COL10A1: variants seen among roughly 807,000 people sequenced by gnomAD.
COL10A1 encodes the protein collagen type X alpha 1 chain, also known as collagen alpha-1(X) chain.
COL10A1 carries 10 observed loss-of-function variants against 18.2 expected under a neutral mutation model. The observed-to-expected ratio is 0.55, with a 90% CI of 0.34 to 0.93. The LOEUF (loss-of-function observed/expected upper bound fraction) is 0.93, where lower values mean the gene tolerates loss of function less well. Among genes scored for constraint, COL10A1 ranks in the 40% least tolerant of loss-of-function variants. The pLI is 0.02. For synonymous variants in COL10A1, 330 were observed against 316.6 expected, an observed-to-expected ratio of 1.04 and a Z score of -0.45; for missense variants, 897 against 853.5, an observed-to-expected ratio of 1.05 and a Z score of -0.64.
Position 116,121,830 on chromosome 6 carries a change from A to G in COL10A1, c.286T>C (p.Leu96=), listed in dbSNP as rs768556259. The G allele has an allele frequency of 3.7e-6, 6 of 1,612,650 alleles. No individual in the cohort carries two copies. The Admixed American group carries it at 8.3e-5, about 22-fold the overall frequency. ...GSPGLQGEPG[L]PGPPGPSAVG... ...GCTGATGGTCCCGGTGGTCCTGGCA[A>G]CCCTGGCTCTCCTTGGAGTCCAGGA... Residue 96 remains leucine (L), a synonymous_variant, in exon 3 of 3, where the codon TTG becomes CTG. Coordinates refer to ENST00000651968, the MANE Select transcript of COL10A1 (RefSeq NM_000493.4).
upstream of COL10A1, among the ~76,000 whole-genome samples, chr6:116,129,782 T>G (rs146109384): frequency 2.2e-3 from 336 of 152,318 alleles, 1 homozygote; most frequent in African/African-American, 7.6e-3. Flanking sequence ...CCCTTGCAGT[T>G]TATTTGTTGA....
rs550879823 is a variant in COL10A1, at chr6:116,136,476, T to A, written c.-15-10969A>T. Among the ~76,000 whole-genome samples the A allele has an allele frequency of 4.9e-3, 738 of 151,998 alleles. 11 individuals are homozygous for A. Among genetic ancestry groups the A allele is most frequent in the South Asian group, 0.043 (206 of 4,794 alleles). On this transcript the variant is annotated intron_variant, in intron 1 of 1. Coordinates refer to the COL10A1 transcript ENST00000418500. ...TTTTTAAGTTTTGTGGGGTTTTTTT[T>A]AAAAGAAGAAAATGAAGCTTATTAA...
chr6:116,185,885 A>G, the COL10A1 span, among the ~76,000 whole-genome samples: 1 of 152,016 alleles, frequency 6.6e-6, no homozygotes, highest in Non-Finnish European at 1.5e-5. Flanking sequence ...ATTGAGATGT[A>G]GCATACTATT....
At chr6:116,212,328 A>C in the COL10A1 span, among the ~76,000 whole-genome samples, 1 of 152,118 alleles carries the variant, frequency 6.6e-6, no homozygotes, top group East Asian at 1.9e-4. Context: ...TGCCTCATTA[A>C]AATAGCTGCT....
In COL10A1 at chr6:116,120,452, G is replaced by A. The variant is rs1779079658; in HGVS notation, c.1664C>T (p.Thr555Ile). 2 of 1,614,260 alleles carry A rather than the reference G, an allele frequency of 1.2e-6. No individual in the cohort carries two copies. Among genetic ancestry groups the A allele is most frequent in the Non-Finnish European group, 8.5e-7 (1 of 1,180,042 alleles). Reference sequence around the variant, plus strand: ...TGGGTAAGCTTTGGAGAGAATAACAGTAAAAGCAGACACAGGCATTCCTGT... The same window carrying A: ...TGGGTAAGCTTTGGAGAGAATAACAATAAAAGCAGACACAGGCATTCCTGT... ...GVTGMPVSAF[T>I]VILSKAYPAI... Residue 555 changes from threonine (T) to isoleucine (I), a missense_variant, in exon 3 of 3, where the codon ACT becomes ATT. Thr to Ile is a moderately conservative substitution (Grantham distance 89). Transcript: ENST00000651968.
chr6:116,139,144 A>G (rs1321212397), intron 1 of COL10A1, among the ~76,000 whole-genome samples: 2 of 152,182 alleles, frequency 1.3e-5, no homozygotes, highest in Non-Finnish European at 2.9e-5. Context: ...TTATTTGGCA[A>G]AAATTCTAGT....
At chr6:116,122,369 C>T (rs1779156804) in intron 2 of COL10A1, among the ~76,000 whole-genome samples, 3 of 152,134 alleles carry the variant, frequency 2.0e-5, no homozygotes, top group Admixed American at 2.0e-4. Flanking sequence ...CCAAAGCTAC[C>T]CTGTCAGACA....
At chr6:116,127,338 G>A (rs926155321), upstream of COL10A1, among the ~76,000 whole-genome samples, 1 of 152,028 alleles carries the variant, frequency 6.6e-6, no homozygotes, top group Non-Finnish European at 1.5e-5. Context: ...AATGGATAAG[G>A]CATCTCATTG....
the COL10A1 span, among the ~76,000 whole-genome samples, chr6:116,174,918 A>G: frequency 1.4e-4 from 22 of 152,294 alleles, no homozygotes; most frequent in Non-Finnish European, 2.5e-4. Flanking sequence ...AGATACATCT[A>G]AAAAGTCATG....
At chr6:116,128,316 T>A (rs1355555013), upstream of COL10A1, among the ~76,000 whole-genome samples, 7 of 152,156 alleles carry the variant, frequency 4.6e-5, no homozygotes, top group East Asian at 1.3e-3. Flanking sequence ...AAACAGATTG[T>A]AGAATCAGAA....
intron 1 of COL10A1, among the ~76,000 whole-genome samples, chr6:116,140,964 A>G (rs1372098694): frequency 3.3e-5 from 5 of 152,180 alleles, no homozygotes; most frequent in African/African-American, 9.7e-5. Flanking sequence ...GAATCTTTCT[A>G]GGAAGTATAC....
the COL10A1 span, among the ~76,000 whole-genome samples, chr6:116,166,318 A>G: frequency 6.6e-6 from 1 of 152,146 alleles, no homozygotes; most frequent in Non-Finnish European, 1.5e-5. Context: ...CTGACATCCA[A>G]AATCCCTAGT....
the COL10A1 span, among the ~76,000 whole-genome samples, chr6:116,195,931 C>G: frequency 6.6e-6 from 1 of 151,972 alleles, no homozygotes; most frequent in African/African-American, 2.4e-5. Flanking sequence ...GAGAGAGATT[C>G]CTGCCTCTAA....
At chr6:116,202,197 A>G in the COL10A1 span, among the ~76,000 whole-genome samples, 160 of 152,140 alleles carry the variant, frequency 1.1e-3, no homozygotes, top group African/African-American at 3.7e-3. Context: ...CATGTGATGC[A>G]GGCTCCCCTA....
chr6:116,170,838 C>G, the COL10A1 span, among the ~76,000 whole-genome samples: 1 of 152,148 alleles, frequency 6.6e-6, no homozygotes, highest in Non-Finnish European at 1.5e-5. Context: ...TCCCACCTGC[C>G]GTGTAGCCTA....
upstream of COL10A1, among the ~76,000 whole-genome samples, chr6:116,160,388 A>G (rs1780298850): frequency 6.6e-6 from 1 of 151,880 alleles, no homozygotes. Context: ...CATTTTCCAT[A>G]TGTTTGTTGG....
rs557785783 is a variant in COL10A1, at chr6:116,119,390, T to C, written c.*683A>G. 6.6e-6 allele frequency: 1 copy of C among 152,590 alleles called. No individual in the cohort carries two copies. The highest frequency in any genetic ancestry group is 2.4e-5 in the African/African-American group (1 of 41,598). The allele number at this position is 152,590 out of a possible 1,614,324, so 9.5% of individuals were successfully genotyped here. On this transcript the variant is annotated 3_prime_UTR_variant, in exon 3 of 3. Transcript: ENST00000651968. Reference sequence around the variant, plus strand: ...TATATAAAAAGCTTCTCTGCAATCATAGAAAAGTTTGAAAAGGTTCATTGA... The same window carrying C: ...TATATAAAAAGCTTCTCTGCAATCACAGAAAAGTTTGAAAAGGTTCATTGA...
chr6:116,216,099 T>C, the COL10A1 span, among the ~76,000 whole-genome samples: 1 of 152,108 alleles, frequency 6.6e-6, no homozygotes, highest in African/African-American at 2.4e-5. Flanking sequence ...CCATGCTTAA[T>C]TGGTATAGTG....
At chr6:116,201,714 G>A in the COL10A1 span, among the ~76,000 whole-genome samples, 1 of 152,098 alleles carries the variant, frequency 6.6e-6, no homozygotes, top group East Asian at 1.9e-4. Flanking sequence ...TGAGGTCATG[G>A]GCAAGGACAT....
Sources: allele counts gnomAD v4.1 joint callset (sites outside exome capture counted in the v4.1 genomes callset), GRCh38; gene constraint gnomAD v4.1.1; transcripts MANE v1.5; gene names NCBI Gene and HGNC (gene_info 2026-07-23, HGNC 2026-07-21).